AARD: variants seen among roughly 807,000 people sequenced by gnomAD.
AARD encodes the protein alanine- and arginine-rich domain-containing protein.
In AARD, 9 loss-of-function variants were observed where a neutral mutation model predicts 9.3. The observed-to-expected ratio is 0.97, with a 90% CI of 0.58 to 1.69. AARD has a LOEUF of 1.69. Ranked by LOEUF, AARD falls within the 40% of genes most tolerant of loss-of-function variation. The pLI, the probability that AARD is intolerant of heterozygous loss-of-function variation, is 0.00. For missense variants in AARD, 236 were observed against 210.3 expected, an observed-to-expected ratio of 1.12 and a Z score of -0.76; for synonymous variants, 91 against 93.8, an observed-to-expected ratio of 0.97 and a Z score of 0.17.
chr8:116,938,906 T>C (rs945445222), intron 1 of AARD, among the ~76,000 whole-genome samples: 1 of 152,244 alleles, frequency 6.6e-6, no homozygotes, highest in Admixed American at 6.5e-5. Context: ...ATAAACTCTC[T>C]CTTGCGATTG....
Position 116,942,655 on chromosome 8 carries a change from C to T in AARD, c.422C>T (p.Thr141Ile), listed in dbSNP as rs1394116176. 9.9e-6 allele frequency: 16 copies of T among 1,613,792 alleles called. No homozygotes were observed. The highest frequency in any genetic ancestry group is 1.4e-5 in the Non-Finnish European group (16 of 1,179,956). ...AAAAAGGAGTATGAACTGGAAATTA[C>T]ATCAGACTCCCAAAGCCCAAAAGAT... ...QLKKEYELEI[T>I]SDSQSPKDDA... is the part of the protein sequence containing the mutation. Residue 141 changes from threonine to isoleucine, a missense_variant, in exon 2 of 2, where the codon ACA (threonine) becomes ATA (isoleucine). Transcript: ENST00000378279.
At chr8:116,939,897 G>C (rs1333287290) in intron 1 of AARD, among the ~76,000 whole-genome samples, 1 of 152,152 alleles carries the variant, frequency 6.6e-6, no homozygotes, top group Admixed American at 6.5e-5. Flanking sequence ...GTAGTCTTGG[G>C]ATCTGCCGGT....
chr8:116,938,716 C>A, intron 1 of AARD, 149 bp downstream of exon 1: 1 of 1,170,482 alleles, frequency 8.5e-7, no homozygotes. Flanking sequence ...GCCTCCCCAG[C>A]ATCGTTGGGA....
At chr8:116,938,672 G>A in intron 1 of AARD, 105 bp downstream of exon 1, 2 of 1,357,198 alleles carry the variant, frequency 1.5e-6, no homozygotes, top group South Asian at 1.7e-5. Context: ...GCCTTGGGGG[G>A]CCCCTCAGGT....
intron 1 of AARD, 71 bp downstream of exon 1, chr8:116,938,638 C>G: frequency 7.3e-7 from 1 of 1,373,648 alleles, no homozygotes; most frequent in Non-Finnish European, 9.3e-7. Flanking sequence ...GCTGCAGAGC[C>G]GCTGGCCGCG....
intron 1 of AARD, among the ~76,000 whole-genome samples, chr8:116,941,030 CAGTT>C (rs1177180569): frequency 6.6e-6 from 1 of 152,086 alleles, no homozygotes; most frequent in African/African-American, 2.4e-5. Flanking sequence ...GGATATTCAT[CAGTT>C]AATTAATTAA....
intron 1 of AARD, among the ~76,000 whole-genome samples, chr8:116,940,067 C>A (rs573754746): frequency 6.6e-6 from 1 of 152,276 alleles, no homozygotes; most frequent in South Asian, 2.1e-4. Flanking sequence ...CTCACGAGAT[C>A]GGGTGCGTTC....
Position 116,944,486 on chromosome 8 carries a change from T to A in AARD, c.*1785T>A, listed in dbSNP as rs769927774. On this transcript the variant is annotated 3_prime_UTR_variant, in exon 2 of 2. Coordinates refer to ENST00000378279, the MANE Select transcript of AARD (RefSeq NM_001025357.3). ...ATAAATGCAAGTTGTTTTATGTGTG[T>A]GAGGATCTGAGAATTATCTGGACTA... The A allele has an allele frequency of 3.9e-5, 6 of 152,180 alleles. No individual in the cohort carries two copies. The highest frequency in any genetic ancestry group is 8.8e-5 in the Non-Finnish European group (6 of 68,030). 9.4% of individuals were successfully genotyped at this position (152,180 alleles called of 1,614,324 possible).
chr8:116,939,903 C>T (rs16889293), intron 1 of AARD, among the ~76,000 whole-genome samples: 41,494 of 152,088 alleles, frequency 0.27, 5,848 homozygotes, highest in Middle Eastern at 0.37. Flanking sequence ...TTGGGATCTG[C>T]CGGTACTCCT....
rs1009734456 is a variant in AARD at position 116,944,408 on chromosome 8, G to C, written c.*1707G>C. The C allele has an allele frequency of 6.6e-6, 1 of 152,214 alleles. No homozygotes were observed. Among genetic ancestry groups the C allele is most frequent in the African/African-American group, 2.4e-5 (1 of 41,448 alleles). The allele number at this position is 152,214 out of a possible 1,614,324, so 9.4% of individuals were successfully genotyped here. On this transcript the variant is annotated 3_prime_UTR_variant, in exon 2 of 2. Coordinates refer to ENST00000378279, the MANE Select transcript of AARD (RefSeq NM_001025357.3). ...AGATCATGCCCCTGCACTCCAGCCT[G>C]GGTGACAGAGGGGGACTTGGCCTCG... is the stretch of plus-strand genomic sequence containing the variant.
At chr8:116,939,547 G>T (rs921823204) in intron 1 of AARD, among the ~76,000 whole-genome samples, 1 of 152,170 alleles carries the variant, frequency 6.6e-6, no homozygotes, top group East Asian at 1.9e-4. Flanking sequence ...CAGGAGAATC[G>T]CTTGAACCTG....
At chr8:116,940,660 C>T (rs72685348) in intron 1 of AARD, among the ~76,000 whole-genome samples, 3 of 152,232 alleles carry the variant, frequency 2.0e-5, no homozygotes, top group Non-Finnish European at 4.4e-5. Context: ...GGATGATATT[C>T]GTAAGGAACG....
chr8:116,938,794 A>G, intron 1 of AARD: 1 of 551,436 alleles, frequency 1.8e-6, no homozygotes, highest in Non-Finnish European at 2.9e-6. Context: ...CCAGTGACAT[A>G]CCCAAGATGT....
rs1813770607 is a variant in AARD at position 116,943,488 on chromosome 8, A to G, written c.*787A>G. 1 of 152,198 alleles carries G rather than the reference A, an allele frequency of 6.6e-6. No individual in the cohort carries two copies. The highest frequency in any genetic ancestry group is 6.5e-5 in the Admixed American group (1 of 15,282). The allele number at this position is 152,198 out of a possible 1,614,324, so 9.4% of individuals were successfully genotyped here. ...CTTTAGGTGGTCTGTGACTAAGGGT[A>G]TTCCATCTTCCTGGATATAGTCATG... is the stretch of plus-strand genomic sequence containing the variant. On this transcript the variant is annotated 3_prime_UTR_variant, in exon 2 of 2. Transcript: ENST00000378279.
intron 1 of AARD, among the ~76,000 whole-genome samples, chr8:116,941,015 A>G (rs1813739243): frequency 6.6e-6 from 1 of 152,200 alleles, no homozygotes; most frequent in Non-Finnish European, 1.5e-5. Flanking sequence ...ATGAAAGTAC[A>G]GGACGGATAT....
At chr8:116,940,470 G>A (rs1282570176) in intron 1 of AARD, among the ~76,000 whole-genome samples, 6 of 152,190 alleles carry the variant, frequency 3.9e-5, no homozygotes, top group Non-Finnish European at 7.3e-5. Flanking sequence ...GGTTACAGAC[G>A]ATGGTCAACA....
rs77603991 is a variant in AARD at position 116,941,214 on chromosome 8, T to G, written c.325-1344T>G. ...GTTATGAGGCACTTGTACAGAGTGC[T>G]GTGGATGCACAGATGAGAGGCAATT... is the stretch of plus-strand genomic sequence containing the variant. On this transcript the variant is annotated intron_variant, in intron 1 of 1. Transcript: ENST00000378279. Among the ~76,000 whole-genome samples, 764 of 152,318 alleles carry G rather than the reference T, an allele frequency of 5.0e-3. 5 individuals carry two copies. The highest frequency in any genetic ancestry group is 0.014 in the African/African-American group (590 of 41,566).
Position 116,938,458 on chromosome 8 carries a change from A to T in AARD, c.215A>T (p.Gln72Leu). 1 of 1,600,038 alleles carries T rather than the reference A, an allele frequency of 6.2e-7. No individual in the cohort carries two copies. The highest frequency in any genetic ancestry group is 8.5e-7 in the Non-Finnish European group (1 of 1,174,232). Reference protein sequence around the residue: ...RLTRAFQWAVQRAISRRVQEA... With the variant: ...RLTRAFQWAVLRAISRRVQEA... ...ACGCGCGCCTTCCAGTGGGCGGTGC[A>T]GCGCGCGATCTCGAGGCGCGTGCAG... The change falls in exon 1 of 2, where the codon CAG becomes CTG. Residue 72 changes from glutamine (Q) to leucine (L), a missense_variant. Physicochemically the swap from Gln to Leu is moderately radical, Grantham distance 113 (BLOSUM62 -2). Transcript: ENST00000378279.
rs1813693329 is a variant in AARD, at chr8:116,938,215, C to T, written c.-29C>T. 1.3e-6 allele frequency: 2 copies of T among 1,538,644 alleles called. No homozygotes were observed. Among genetic ancestry groups the T allele is most frequent in the African/African-American group, 1.4e-5 (1 of 70,862 alleles). On this transcript the variant is annotated 5_prime_UTR_variant, in exon 1 of 2. Coordinates refer to ENST00000378279, the MANE Select transcript of AARD (RefSeq NM_001025357.3). ...TTAGAAACTCATCTTTCAGCAGCAG[C>T]GGTAGAGCAGTGACCAGGCGTCTCC...
Sources: allele counts gnomAD v4.1 joint callset (sites outside exome capture counted in the v4.1 genomes callset), GRCh38; gene constraint gnomAD v4.1.1; transcripts MANE v1.5; gene names NCBI Gene and HGNC (gene_info 2026-07-23, HGNC 2026-07-21).